Variants in LIPI observed in about 807,000 individuals in gnomAD.
LIPI encodes lipase I, also known as lipase member I.
In LIPI, 59 loss-of-function variants were observed where a neutral mutation model predicts 50.6. The ratio of observed to expected loss-of-function variants is 1.16; its 90% confidence interval spans 0.94 to 1.45. LIPI has a LOEUF of 1.45. Among genes scored for constraint, LIPI ranks in the 40% most tolerant of loss-of-function variants. LIPI has a pLI of 0.00. For synonymous variants in LIPI, 203 were observed against 178.2 expected, an observed-to-expected ratio of 1.14 and a Z score of -1.11; for missense variants, 586 against 536.3, an observed-to-expected ratio of 1.09 and a Z score of -0.92.
intron 3 of LIPI, among the ~76,000 whole-genome samples, chr21:14,185,579 T>G (rs2019423293): frequency 6.6e-6 from 1 of 152,166 alleles, no homozygotes; most frequent in Admixed American, 6.6e-5. Context: ...TTGTACCCAC[T>G]AAATTTTAAG....
At chr21:14,185,920 A>T in intron 3 of LIPI, 41 bp downstream of exon 3, 1 of 1,168,504 alleles carries the variant, frequency 8.6e-7, no homozygotes, top group Non-Finnish European at 1.3e-6. Flanking sequence ...TCTGATACTT[A>T]AAAGTATGCT....
intron 4 of LIPI, among the ~76,000 whole-genome samples, chr21:14,167,143 G>C (rs555304473): frequency 6.6e-6 from 1 of 152,174 alleles, no homozygotes; most frequent in Non-Finnish European, 1.5e-5. Flanking sequence ...ACTGCAAGGC[G>C]GCAGCAAGGC....
intron 1 of LIPI, among the ~76,000 whole-genome samples, chr21:14,195,875 A>G (rs553893297): frequency 6.6e-6 from 1 of 152,282 alleles, no homozygotes; most frequent in East Asian, 1.9e-4. Context: ...CATCAAAACA[A>G]TGTGAATTAA....
At chr21:14,162,042 T>C (rs2018516315) in intron 7 of LIPI, among the ~76,000 whole-genome samples, 2 of 147,678 alleles carry the variant, frequency 1.4e-5, no homozygotes, top group Admixed American at 6.9e-5. Flanking sequence ...TAGTATCCCA[T>C]AGGAACATAT....
intron 9 of LIPI, 100 bp downstream of exon 9, chr21:14,144,523 A>G (rs1224022395): frequency 7.7e-6 from 5 of 649,676 alleles, no homozygotes; most frequent in African/African-American, 7.3e-5. Context: ...TACACAATAA[A>G]CAGATATTTG....
chr21:14,210,931 A>G lies in LIPI; in HGVS notation c.-86T>C, dbSNP rs1406742124. The stretch of plus-strand genomic sequence containing the variant: ...ATTGAGGTTTCTCTTTGGTAGGATC[A>G]TCACAGGCTGGCAGGTTCTTCTGTA... On this transcript the variant is annotated 5_prime_UTR_variant, in exon 1 of 10. The change abolishes an upstream ATG in the 5' untranslated region. Coordinates refer to ENST00000681601, the MANE Select transcript of LIPI (RefSeq NM_001302998.2). 24 of 1,126,970 alleles carry G rather than the reference A, an allele frequency of 2.1e-5. No individual in the cohort carries two copies. Among genetic ancestry groups the G allele is most frequent in the Non-Finnish European group, 2.6e-5 (24 of 911,384 alleles). The allele number at this position is 1,126,970 out of a possible 1,614,324, so 69.8% of individuals were successfully genotyped here.
At position 14,156,250 on chromosome 21, in the gene LIPI, C is replaced by T. The variant is rs374056525; in HGVS notation, c.1007-3566G>A. On this transcript the variant is annotated intron_variant, in intron 7 of 9. Coordinates refer to ENST00000681601, the MANE Select transcript of LIPI (RefSeq NM_001302998.2). ...TGCTAACCAGCTATTCTTAAAATAG[C>T]GACATTTTATTGAATTATCTAGGTG... is the stretch of plus-strand genomic sequence containing the variant. 2.7e-4 allele frequency among the ~76,000 whole-genome samples: 41 copies of T among 151,630 alleles called. No individual in the cohort carries two copies. In the East Asian group the frequency reaches 4.1e-3, roughly 15 times the overall value.
At chr21:14,110,015 T>C (rs1023139037) in intron 9 of LIPI, among the ~76,000 whole-genome samples, 1 of 151,982 alleles carries the variant, frequency 6.6e-6, no homozygotes, top group Admixed American at 6.6e-5. Flanking sequence ...TATCTATCTT[T>C]CTAATTTCAA....
In LIPI at chr21:14,189,217, G is replaced by T; in HGVS notation, c.249C>A (p.Tyr83Ter). ...ATAATGGGATGGAGCCTACTGGTCT[G>T]TATCCGTGAATAAGCCAGACTGTTT... is the stretch of plus-strand genomic sequence containing the variant. Reference protein sequence around the residue: ...QKKTVWLIHGYRPVGSIPLWL... With the variant: ...QKKTVWLIHG Residue 83 changes from tyrosine (Y) to a stop codon, truncating the protein, a stop_gained, in exon 2 of 10, where the codon TAC (tyrosine) becomes TAA (stop). Coordinates refer to ENST00000681601, the MANE Select transcript of LIPI (RefSeq NM_001302998.2). LOFTEE classifies it high-confidence loss of function. The T allele has an allele frequency of 6.2e-7, 1 of 1,613,934 alleles. No homozygotes were observed. Among genetic ancestry groups the T allele is most frequent in the African/African-American group, 1.3e-5 (1 of 75,036 alleles).
intron 1 of LIPI, among the ~76,000 whole-genome samples, chr21:14,197,262 G>T (rs950069130): frequency 2.0e-5 from 3 of 151,782 alleles, no homozygotes; most frequent in Admixed American, 1.3e-4. Context: ...AAACACTAGG[G>T]CATATTTCCA....
intron 1 of LIPI, among the ~76,000 whole-genome samples, chr21:14,204,791 A>G (rs2123349096): frequency 6.6e-6 from 1 of 152,102 alleles, no homozygotes; most frequent in East Asian, 1.9e-4. Context: ...ATGTAAAAGT[A>G]AAATCATATG....
In LIPI at chr21:14,189,119, C is replaced by A. The variant is rs201462167; in HGVS notation, c.347G>T (p.Gly116Val). The A allele has an allele frequency of 6.2e-7, 1 of 1,612,774 alleles. No individual in the cohort carries two copies. The highest frequency in any genetic ancestry group is 2.2e-5 in the East Asian group (1 of 44,878). The part of the protein sequence containing the change: ...MNVIVVDWSR[G>V]ATTFIYNRAV... ...TCTATTATAAATAAAAGTTGTAGCA[C>A]CCCGGCTCCAGTCTACTACAATTAC... The change falls in exon 2 of 10, where the codon GGT (glycine) becomes GTT (valine). Residue 116 changes from glycine to valine, a missense_variant. Gly to Val is a moderately radical substitution (Grantham distance 109, BLOSUM62 -3). Transcript: ENST00000681601.
chr21:14,191,144 C>T (rs1194589366), intron 1 of LIPI, among the ~76,000 whole-genome samples: 2 of 151,788 alleles, frequency 1.3e-5, no homozygotes, highest in South Asian at 2.1e-4. Flanking sequence ...CTCAGGAGGC[C>T]GAGGCGGGCG....
At chr21:14,174,199 GC>G (rs1175315618) in intron 4 of LIPI, among the ~76,000 whole-genome samples, 1 of 152,162 alleles carries the variant, frequency 6.6e-6, no homozygotes, top group African/African-American at 2.4e-5. Context: ...CTTTGAAGCA[GC>G]CCTTGATTCA....
At position 14,189,193 on chromosome 21, in the gene LIPI, T is replaced by C. The variant is rs371284105; in HGVS notation, c.273A>G (p.Leu91=). 76 of 1,614,006 alleles carry C rather than the reference T, an allele frequency of 4.7e-5. No individual in the cohort carries two copies. The African/African-American group carries it at 8.9e-4, about 19-fold the overall frequency. The change falls in exon 2 of 10, where the codon TTA becomes TTG. Residue 91 remains leucine (L), a synonymous_variant. Transcript: ENST00000681601. Reference sequence around the variant, plus strand: ...AAATCCTTACGAAGTTCTGAAGCCATAATGGGATGGAGCCTACTGGTCTGT... The same window carrying C: ...AAATCCTTACGAAGTTCTGAAGCCACAATGGGATGGAGCCTACTGGTCTGT... ...HGYRPVGSIP[L]WLQNFVRILL...
intron 9 of LIPI, among the ~76,000 whole-genome samples, chr21:14,124,996 A>G: frequency 8.7e-6 from 1 of 115,524 alleles, no homozygotes; most frequent in Admixed American, 1.0e-4. Context: ...TCCACCTCGA[A>G]AAAAAAAAAT....
chr21:14,143,086 G>A (rs1163997281), intron 9 of LIPI, among the ~76,000 whole-genome samples: 4 of 152,030 alleles, frequency 2.6e-5, no homozygotes, highest in African/African-American at 4.8e-5. Flanking sequence ...CCAGATAATG[G>A]AATCCCCAAA....
In LIPI at chr21:14,187,640, A is replaced by G. The variant is rs1600917806; in HGVS notation, c.432+1394T>C. On this transcript the variant is annotated intron_variant, in intron 2 of 9. Transcript: ENST00000681601. ...ACACCAGTAACATCAGGAAAAATCA[A>G]TGATGTAATTAATAGTCTGTTGGTG... Among the ~76,000 whole-genome samples, 5 of 152,256 alleles carry G rather than the reference A, an allele frequency of 3.3e-5. No individual in the cohort carries two copies. In the South Asian group the frequency reaches 1.0e-3, roughly 32 times the overall value.
At chr21:14,143,637 C>T (rs1178044226) in intron 9 of LIPI, 1 of 152,090 alleles carries the variant, frequency 6.6e-6, no homozygotes, top group Non-Finnish European at 1.5e-5. Context: ...TCCCAGCAAC[C>T]TACACAACCA....
Sources: gnomAD v4.1 joint callset for allele counts (sites outside exome capture counted in the v4.1 genomes callset) on GRCh38, gnomAD v4.1.1 for gene constraint, MANE v1.5 for transcripts, NCBI Gene and HGNC (gene_info 2026-07-23, HGNC 2026-07-21) for gene names.